TRIO: variants seen among roughly 807,000 people sequenced by gnomAD.
The protein encoded by TRIO is trio Rho guanine nucleotide exchange factor.
TRIO carries 58 observed loss-of-function variants against 351.9 expected under a neutral mutation model. That is an observed-to-expected ratio of 0.16 (90% confidence interval 0.13 to 0.21). The LOEUF (loss-of-function observed/expected upper bound fraction) is 0.21, where lower values mean the gene tolerates loss of function less well. Ranked by LOEUF, TRIO falls within the 10% of genes least tolerant of loss-of-function variation. The probability of loss-of-function intolerance (pLI) is 1.00; values close to 1 mark genes in which losing one functional copy is unlikely to be tolerated. For missense variants in TRIO, 3,201 were observed against 4,027.8 expected (o/e 0.79, Z 5.56); for synonymous variants, 1,758 against 1,595.7 (o/e 1.10, Z -2.42).
At chr5:14,416,941 C>T (rs1049990407) in intron 33 of TRIO, among the ~76,000 whole-genome samples, 3 of 152,172 alleles carry the variant, frequency 2.0e-5, no homozygotes, top group South Asian at 2.1e-4. Context: ...AGTGAAGCAG[C>T]GGGTGGCATC....
chr5:14,405,898 C>T lies in TRIO; in HGVS notation c.4767C>T (p.Val1589=). 2 of 1,613,928 alleles carry T rather than the reference C, an allele frequency of 1.2e-6. No homozygotes were observed. Among genetic ancestry groups the T allele is most frequent in the South Asian group, 1.1e-5 (1 of 91,046 alleles). The stretch of plus-strand genomic sequence containing the variant: ...ACTGGATAAAGCATATCCGCGAAGT[C>T]ATCCAGGAGCGGACGATCCACCTGA... ...KQDWIKHIRE[V]IQERTIHLKG... Residue 1589 remains valine, a synonymous_variant, in exon 32 of 57, where the codon GTC becomes GTT. Transcript: ENST00000344204.
At chr5:14,450,055 G>A (rs1752738222) in intron 34 of TRIO, among the ~76,000 whole-genome samples, 1 of 152,210 alleles carries the variant, frequency 6.6e-6, no homozygotes, top group Non-Finnish European at 1.5e-5. Flanking sequence ...ATTTTCCAAT[G>A]CTTATGTAAT....
intron 7 of TRIO, among the ~76,000 whole-genome samples, chr5:14,304,017 C>T (rs189920840): frequency 1.1e-4 from 16 of 152,206 alleles, no homozygotes; most frequent in Admixed American, 4.6e-4. Context: ...GTAAGGCTGA[C>T]GTGTAGCTGC....
chr5:14,215,340 C>T (rs752040677), intron 1 of TRIO, among the ~76,000 whole-genome samples: 7 of 152,154 alleles, frequency 4.6e-5, no homozygotes, highest in Non-Finnish European at 8.8e-5. Context: ...TCGTGTCTGC[C>T]AATGCACACT....
Position 14,394,072 on chromosome 5 carries a change from T to C in TRIO, c.4253T>C (p.Ile1418Thr), listed in dbSNP as rs1312054348. 6.2e-7 allele frequency: 1 copy of C among 1,613,452 alleles called. No individual in the cohort carries two copies. Among genetic ancestry groups the C allele is most frequent in the Non-Finnish European group, 8.5e-7 (1 of 1,179,686 alleles). ...IQQRHGLANS[I>T]SSYLIKPVQR... is the part of the protein sequence containing the mutation. The stretch of plus-strand genomic sequence containing the variant: ...CAGCGACATGGATTAGCCAATTCCA[T>C]TTCTTCCTACCTTATTAAACCAGTT... Residue 1418 changes from isoleucine (I) to threonine (T), a missense_variant, in exon 28 of 57, where the codon ATT becomes ACT. Ile to Thr is a moderately conservative substitution (Grantham distance 89). Around this residue, in one of 19 missense-constraint regions of TRIO, gnomAD observed 115 missense variants for 239.6 expected, o/e 0.48. Coordinates refer to ENST00000344204, the MANE Select transcript of TRIO (RefSeq NM_007118.4).
intron 34 of TRIO, among the ~76,000 whole-genome samples, chr5:14,456,586 C>A (rs1753329588): frequency 6.6e-6 from 1 of 152,204 alleles, no homozygotes; most frequent in Non-Finnish European, 1.5e-5. Context: ...GGTGTCTGGG[C>A]AGGGGGTCTC....
In TRIO at chr5:14,460,969, C is replaced by T. The variant is rs779956756; in HGVS notation, c.5204-50C>T. The T allele has an allele frequency of 1.6e-5, 23 of 1,470,360 alleles. No homozygotes were observed. The East Asian group carries it at 5.2e-4, about 34-fold the overall frequency. The allele number at this position is 1,470,360 out of a possible 1,614,324, so 91.1% of individuals were successfully genotyped here. On this transcript the variant is annotated intron_variant, in intron 34 of 56. Transcript: ENST00000344204. ...GCGGGATAATGGCATGGTCTTCACA[C>T]CGGAGGGTCTGTGCGAGTCAGTGAT...
chr5:14,363,312 A>G (rs148786747), intron 13 of TRIO, among the ~76,000 whole-genome samples: 186 of 152,250 alleles, frequency 1.2e-3, no homozygotes, highest in African/African-American at 4.4e-3. Context: ...TTTACTGTCT[A>G]CTTCTAGTGG....
chr5:14,153,289 G>A (rs1293018240), intron 1 of TRIO, among the ~76,000 whole-genome samples: 1 of 152,236 alleles, frequency 6.6e-6, no homozygotes, highest in Non-Finnish European at 1.5e-5. Flanking sequence ...AGCAGCAAGA[G>A]AGGCCAGGAC....
At chr5:14,174,556 C>T (rs893006150) in intron 1 of TRIO, among the ~76,000 whole-genome samples, 20 of 152,182 alleles carry the variant, frequency 1.3e-4, no homozygotes, top group African/African-American at 4.6e-4. Flanking sequence ...ATGGGTCAGG[C>T]CATCTGGTCA....
intron 1 of TRIO, among the ~76,000 whole-genome samples, chr5:14,265,083 C>CTTTT (rs199891022): frequency 7.3e-6 from 1 of 137,706 alleles, no homozygotes; most frequent in African/African-American, 2.7e-5. Context: ...ATGTAGGATT[C>CTTTT]TTTTTTTTTT....
rs575988358 is a variant in TRIO, at chr5:14,492,799, C to G, written c.7865C>G (p.Pro2622Arg). 1.2e-6 allele frequency: 2 copies of G among 1,613,634 alleles called. No homozygotes were observed. The change falls in exon 49 of 57, where the codon CCG (proline) becomes CGG (arginine). Residue 2622 changes from proline (P) to arginine (R), a missense_variant. Coordinates refer to ENST00000344204, the MANE Select transcript of TRIO (RefSeq NM_007118.4). ...ACCAGTGCAGTCATCGTGGAGAACCCGGACGGGACTCTCAAGTGAGTGCTT... is the reference window on the plus strand; with the variant it reads ...ACCAGTGCAGTCATCGTGGAGAACCGGGACGGGACTCTCAAGTGAGTGCTT... ...GHTSAVIVEN[P>R]DGTLKKSTSW...
Position 14,387,916 on chromosome 5 carries a change from T to C in TRIO, c.3881+69T>C, listed in dbSNP as rs1746686357. 16 of 1,508,238 alleles carry C rather than the reference T, an allele frequency of 1.1e-5. No homozygotes were observed. In the South Asian group the frequency reaches 1.8e-4, roughly 17 times the overall value. 93.4% of individuals were successfully genotyped at this position (1,508,238 alleles called of 1,614,324 possible). ...GAAGAGAATGTCATTTGGACAGACA[T>C]GCTTCTGTGTGTGCTTTGAAGTCAC... On this transcript the variant is annotated intron_variant, in intron 23 of 56. Coordinates refer to ENST00000344204, the MANE Select transcript of TRIO (RefSeq NM_007118.4).
At chr5:14,413,491 G>T (rs868366834) in intron 33 of TRIO, among the ~76,000 whole-genome samples, 15 of 152,232 alleles carry the variant, frequency 9.9e-5, no homozygotes, top group African/African-American at 3.6e-4. Flanking sequence ...ACAGAGCCCC[G>T]CTCCCCTGGC....
intron 5 of TRIO, among the ~76,000 whole-genome samples, chr5:14,292,442 C>G (rs1223850343): frequency 1.3e-5 from 2 of 152,226 alleles, no homozygotes; most frequent in Non-Finnish European, 2.9e-5. Flanking sequence ...GTCCAAGTAA[C>G]ATCTATATTG....
intron 18 of TRIO, among the ~76,000 whole-genome samples, chr5:14,372,669 A>G (rs997065122): frequency 3.3e-5 from 5 of 152,154 alleles, no homozygotes; most frequent in African/African-American, 4.8e-5. Flanking sequence ...TGCTATAGCA[A>G]CTTCTACATA....
intron 1 of TRIO, among the ~76,000 whole-genome samples, chr5:14,226,666 A>C (rs354311): frequency 6.6e-6 from 1 of 152,168 alleles, no homozygotes; most frequent in Non-Finnish European, 1.5e-5. Context: ...ATAGTTTAAC[A>C]TTGTCCCTGA....
intron 11 of TRIO, among the ~76,000 whole-genome samples, chr5:14,343,068 T>G (rs1296703940): frequency 7.0e-6 from 1 of 143,676 alleles, no homozygotes; most frequent in African/African-American, 2.6e-5. Context: ...TTTGAAGTAA[T>G]TATAGAATCA....
intron 7 of TRIO, among the ~76,000 whole-genome samples, chr5:14,302,180 T>C (rs1053740929): frequency 3.9e-5 from 6 of 152,386 alleles, no homozygotes; most frequent in African/African-American, 1.4e-4. Context: ...TATACTTTAA[T>C]GATTTTGATA....
Sources: gnomAD v4.1 joint callset for allele counts (sites outside exome capture counted in the v4.1 genomes callset) on GRCh38, gnomAD v4.1.1 for gene constraint, gnomAD v4.1.1 regional missense constraint, MANE v1.5 for transcripts, NCBI Gene and HGNC (gene_info 2026-07-23, HGNC 2026-07-21) for gene names.